Variants in COL19A1 observed in about 807,000 individuals in gnomAD.
The protein encoded by COL19A1 is collagen alpha-1(XIX) chain.
A neutral mutation model predicts 190.2 loss-of-function variants in COL19A1; 159 were observed. The ratio of observed to expected loss-of-function variants is 0.84; its 90% CI spans 0.73 to 0.95. The LOEUF is 0.95. COL19A1 is among the 40% of genes least tolerant of loss of function. The pLI is 0.00. For missense variants in COL19A1, 1,418 were observed against 1,431.9 expected (o/e 0.99, Z 0.16); for synonymous variants, 509 against 458.9 (o/e 1.11, Z -1.39).
At chr6:70,078,691 AATCCTTAAC>A (rs1269555973) in intron 15 of COL19A1, among the ~76,000 whole-genome samples, 7 of 152,164 alleles carry the variant, frequency 4.6e-5, no homozygotes, top group Non-Finnish European at 1.0e-4. Context: ...AATAAAACAC[AATCCTTAAC>A]ATCACTGACA....
At chr6:69,989,425 T>C (rs951650879) in intron 11 of COL19A1, among the ~76,000 whole-genome samples, 4 of 152,166 alleles carry the variant, frequency 2.6e-5, no homozygotes, top group African/African-American at 9.7e-5. Context: ...CTTTTACTTT[T>C]CCCTTGTTCT....
At chr6:69,886,195 A>G (rs1030611450) in intron 2 of COL19A1, among the ~76,000 whole-genome samples, 9 of 152,250 alleles carry the variant, frequency 5.9e-5, no homozygotes, top group Non-Finnish European at 1.0e-4. Flanking sequence ...TTCTACAAAA[A>G]AGAGATAAAA....
intron 31 of COL19A1, among the ~76,000 whole-genome samples, chr6:70,154,186 C>T (rs1385034668): frequency 6.7e-6 from 1 of 150,076 alleles, no homozygotes; most frequent in African/African-American, 2.5e-5. Flanking sequence ...TCAGCTCCCA[C>T]TTATGAGTGA....
intron 16 of COL19A1, among the ~76,000 whole-genome samples, chr6:70,117,503 C>A (rs1014228446): frequency 6.6e-6 from 1 of 152,214 alleles, no homozygotes; most frequent in Non-Finnish European, 1.5e-5. Flanking sequence ...TTAAAAGCTG[C>A]TAGAACTATT....
At chr6:70,019,818 G>A (rs1391227572) in intron 11 of COL19A1, among the ~76,000 whole-genome samples, 1 of 151,886 alleles carries the variant, frequency 6.6e-6, no homozygotes, top group Non-Finnish European at 1.5e-5. Flanking sequence ...TGTCAAATAA[G>A]TTTTCTTTAA....
intron 48 of COL19A1, 28 bp downstream of exon 48, chr6:70,190,409 AT>A: frequency 1.4e-6 from 2 of 1,454,468 alleles, no homozygotes; most frequent in Non-Finnish European, 9.6e-7. Context: ...ACATTTTCGA[AT>A]TTTTCACTGA....
At chr6:69,970,011 C>T (rs1205323829) in intron 11 of COL19A1, among the ~76,000 whole-genome samples, 1 of 152,188 alleles carries the variant, frequency 6.6e-6, no homozygotes, top group Non-Finnish European at 1.5e-5. Context: ...CCACCATGTT[C>T]TACTGGCCAA....
At position 70,187,274 on chromosome 6, in the gene COL19A1, T is replaced by G. The variant is rs527262767; in HGVS notation, c.2857-801T>G. ...CCTGCTTTGATCTTTTCAATGGTTCTCCCTTCTCACCATCCCGTGGGTATA... is the reference window on the plus strand; with the variant it reads ...CCTGCTTTGATCTTTTCAATGGTTCGCCCTTCTCACCATCCCGTGGGTATA... On this transcript the variant is annotated intron_variant, in intron 46 of 50. Coordinates refer to ENST00000620364, the MANE Select transcript of COL19A1 (RefSeq NM_001858.6). Among the ~76,000 whole-genome samples the G allele has an allele frequency of 2.6e-5, 4 of 152,246 alleles. No individual in the cohort carries two copies. In the East Asian group the frequency reaches 7.7e-4, roughly 29 times the overall value.
intron 11 of COL19A1, among the ~76,000 whole-genome samples, chr6:69,973,041 G>A (rs1211409407): frequency 6.6e-6 from 1 of 152,232 alleles, no homozygotes; most frequent in Admixed American, 6.5e-5. Context: ...AAAGTTTGGG[G>A]TCACATAAGA....
rs145757264 is a variant in COL19A1 at position 69,988,106 on chromosome 6, A to G, written c.1026+25236A>G. Reference sequence around the variant, plus strand: ...ATTTTGTTTTTTAAAGAAGTTTTAAACACCAGATTCGAAATGACTTAAATA... The same window carrying G: ...ATTTTGTTTTTTAAAGAAGTTTTAAGCACCAGATTCGAAATGACTTAAATA... On this transcript the variant is annotated intron_variant, in intron 11 of 50. Transcript: ENST00000620364. Among the ~76,000 whole-genome samples, 1,280 of 152,286 alleles carry G rather than the reference A, an allele frequency of 8.4e-3. 23 individuals carry two copies. The highest frequency in any genetic ancestry group is 0.029 in the African/African-American group (1,199 of 41,568).
intron 4 of COL19A1, among the ~76,000 whole-genome samples, chr6:69,911,474 C>A (rs1298027481): frequency 2.0e-5 from 3 of 152,054 alleles, no homozygotes; most frequent in Non-Finnish European, 2.9e-5. Context: ...ATTCCTTTCA[C>A]CCTGGCTATA....
intron 15 of COL19A1, among the ~76,000 whole-genome samples, chr6:70,081,995 TAGCTTTACAAC>T (rs1302565674): frequency 1.3e-5 from 2 of 152,340 alleles, no homozygotes; most frequent in Admixed American, 6.5e-5. Context: ...ATTATTCTCA[TAGCTTTACAAC>T]AGTTATCAAA....
At chr6:70,063,181 T>C (rs1312387871) in intron 14 of COL19A1, among the ~76,000 whole-genome samples, 2 of 152,064 alleles carry the variant, frequency 1.3e-5, no homozygotes, top group Non-Finnish European at 2.9e-5. Flanking sequence ...AATATACATT[T>C]TTTTCAGCAC....
chr6:70,152,388 A>G (rs1787120130), intron 31 of COL19A1, among the ~76,000 whole-genome samples: 1 of 152,164 alleles, frequency 6.6e-6, no homozygotes, highest in Non-Finnish European at 1.5e-5. Context: ...GAGTTCCGGC[A>G]TATACATTTG....
At chr6:70,052,730 A>G (rs1298032034) in intron 14 of COL19A1, among the ~76,000 whole-genome samples, 1 of 152,196 alleles carries the variant, frequency 6.6e-6, no homozygotes, top group Non-Finnish European at 1.5e-5. Flanking sequence ...CTGAATCCCC[A>G]GTAATGGATT....
intron 31 of COL19A1, among the ~76,000 whole-genome samples, chr6:70,154,840 G>A (rs551340356): frequency 5.3e-5 from 8 of 152,272 alleles, no homozygotes; most frequent in African/African-American, 1.7e-4. Flanking sequence ...CAGCACAGGA[G>A]AAAGATGAAA....
chr6:70,005,855 C>T (rs1777588775), intron 11 of COL19A1, among the ~76,000 whole-genome samples: 1 of 152,084 alleles, frequency 6.6e-6, no homozygotes, highest in Non-Finnish European at 1.5e-5. Flanking sequence ...GAGCCTCTGG[C>T]TGGAGTTATT....
intron 9 of COL19A1, among the ~76,000 whole-genome samples, chr6:69,944,405 A>C (rs1186038518): frequency 6.6e-6 from 1 of 152,158 alleles, no homozygotes; most frequent in Non-Finnish European, 1.5e-5. Flanking sequence ...GAAAGTTTAA[A>C]TAATCAACTC....
chr6:69,929,884 G>A (rs1018117922), intron 6 of COL19A1, among the ~76,000 whole-genome samples, 184 bp downstream of exon 6: 6 of 152,080 alleles, frequency 3.9e-5, no homozygotes, highest in Admixed American at 1.3e-4. Flanking sequence ...ATTTTCACAT[G>A]TATTATTTTC....
Sources: allele counts gnomAD v4.1 joint callset (sites outside exome capture counted in the v4.1 genomes callset), GRCh38; gene constraint gnomAD v4.1.1; transcripts MANE v1.5; gene names NCBI Gene and HGNC (gene_info 2026-07-23, HGNC 2026-07-21).